The following NLRP5 variants were observed in gnomAD, a reference collection of about 807,000 sequenced individuals.
The protein encoded by NLRP5 is NLR family pyrin domain containing 5.
Under a neutral mutation model 113.1 loss-of-function variants are expected in NLRP5, and 93 were observed. The ratio of observed to expected loss-of-function variants is 0.82; its 90% CI spans 0.70 to 0.98. NLRP5 has a LOEUF of 0.98. NLRP5 is among the 50% of genes least tolerant of loss of function. NLRP5 has a pLI of 0.00. For synonymous variants in NLRP5, 751 were observed against 600.7 expected (o/e 1.25, Z -3.66); for missense variants, 1,808 against 1,514.3 (o/e 1.19, Z -3.22).
chr19:55,994,197 T>C, the NLRP5 span, among the ~76,000 whole-genome samples: 5 of 152,154 alleles, frequency 3.3e-5, no homozygotes, highest in Admixed American at 6.5e-5. Context: ...CACAGTGAGA[T>C]TGCGATGATG....
intron 1 of NLRP5, among the ~76,000 whole-genome samples, chr19:56,000,231 T>C (rs940857763): frequency 1.5e-4 from 22 of 151,600 alleles, no homozygotes; most frequent in Admixed American, 5.2e-4. Context: ...CTCCACTCTT[T>C]TCAATGACAA....
chr19:56,014,201 G>C (rs2123285317), intron 3 of NLRP5, among the ~76,000 whole-genome samples: 1 of 152,158 alleles, frequency 6.6e-6, no homozygotes, highest in South Asian at 2.1e-4. Context: ...GTTTAACCCA[G>C]CTGGGTACGG....
chr19:56,016,311 G>A (rs958259004), intron 4 of NLRP5, among the ~76,000 whole-genome samples: 1 of 151,904 alleles, frequency 6.6e-6, no homozygotes, highest in East Asian at 1.9e-4. Flanking sequence ...GCACCACCAC[G>A]CCCAGCTAAT....
intron 14 of NLRP5, among the ~76,000 whole-genome samples, chr19:56,059,527 T>C (rs975273379): frequency 6.6e-6 from 1 of 152,100 alleles, no homozygotes; most frequent in African/African-American, 2.4e-5. Context: ...GGTTGTGGTA[T>C]ATTTATTTTA....
chr19:55,990,054 A>T, the NLRP5 span, among the ~76,000 whole-genome samples: 1 of 134,650 alleles, frequency 7.4e-6, no homozygotes, highest in African/African-American at 2.7e-5. Context: ...TTTAAAAGTC[A>T]TGCCGTTTCT....
intron 11 of NLRP5, among the ~76,000 whole-genome samples, chr19:56,043,620 C>T (rs1233270063): frequency 7.7e-6 from 1 of 130,380 alleles, no homozygotes; most frequent in Non-Finnish European, 1.5e-5. Flanking sequence ...GGCTGCAGTG[C>T]AGTGGCGTGA....
chr19:56,004,045 A>G lies in NLRP5; in HGVS notation c.392A>G (p.Glu131Gly), dbSNP rs761806403. ...TGGGCTACGTCCATTAGCATCTTTG[A>G]AAACATGAACCTGCGAACCCTCTCG... Residue 131 changes from glutamate to glycine, a missense_variant, in exon 2 of 15, where the codon GAA becomes GGA. Physicochemically the swap from Glu to Gly is moderately conservative, Grantham distance 98 (BLOSUM62 -2). Transcript: ENST00000390649. The G allele has an allele frequency of 1.2e-6, 2 of 1,613,472 alleles. No homozygotes were observed. The highest frequency in any genetic ancestry group is 2.2e-5 in the South Asian group (2 of 90,958).
Position 56,056,847 on chromosome 19 carries a change from A to G in NLRP5, c.3300-1393A>G, listed in dbSNP as rs575543696. 1.6e-3 allele frequency among the ~76,000 whole-genome samples: 251 copies of G among 152,286 alleles called. 2 individuals carry two copies. The highest frequency in any genetic ancestry group is 3.4e-3 in the Middle Eastern group (1 of 294). On this transcript the variant is annotated intron_variant, in intron 13 of 14. Transcript: ENST00000390649. ...CATCTCATTAACTTTTTATTCTATC[A>G]TAAGAATTCCAGCCGGGTGCGGTGG...
In NLRP5 at chr19:56,055,533, C is replaced by CTTT. The variant is rs1491011983; in HGVS notation, c.3299+1726_3299+1727insTTT. Among the ~76,000 whole-genome samples, 177 of 99,520 alleles carry CTTT rather than the reference C, an allele frequency of 1.8e-3. 5 individuals are homozygous for CTTT. Among genetic ancestry groups the CTTT allele is most frequent in the African/African-American group, 2.4e-3 (71 of 29,170 alleles). The allele number at this position is 99,520 out of a possible 152,430, so 65.3% of individuals were successfully genotyped here. On this transcript the variant is annotated intron_variant, in intron 13 of 14. Transcript: ENST00000390649. ...AGCTCCATGTTCTATTTTTCTTTCT[C>CTTT]TGTCTTTTTTTTTTTTTTTTTTTTT...
At chr19:56,035,850 C>G (rs961639879) in intron 9 of NLRP5, among the ~76,000 whole-genome samples, 1 of 151,824 alleles carries the variant, frequency 6.6e-6, no homozygotes, top group Admixed American at 6.6e-5. Flanking sequence ...TGGGCCACAT[C>G]GTGAAGGGTT....
Position 56,027,210 on chromosome 19 carries a change from GGAA to G in NLRP5, c.982_984del (p.Lys328del), listed in dbSNP as rs756472783. 6.2e-6 allele frequency: 10 copies of G among 1,611,614 alleles called. No homozygotes were observed. In the East Asian group the frequency reaches 6.7e-5, roughly 11 times the overall value. On this transcript the variant is annotated inframe_deletion, in exon 7 of 15. Coordinates refer to ENST00000390649, the MANE Select transcript of NLRP5 (RefSeq NM_153447.4). Reference sequence around the variant, plus strand: ...TTCCTCCCCGTTAGAGAGATGCAGCGGAAGAAGGAGAGCAGTGTCACAGAGTTC... The same window carrying G: ...TTCCTCCCCGTTAGAGAGATGCAGCGGAAGGAGAGCAGTGTCACAGAGTTC...
At chr19:56,035,199 C>G (rs997896723) in intron 9 of NLRP5, among the ~76,000 whole-genome samples, 3 of 152,166 alleles carry the variant, frequency 2.0e-5, no homozygotes, top group African/African-American at 7.2e-5. Flanking sequence ...TGTGCCCTCC[C>G]AAATAAAGTA....
At chr19:56,060,651 G>A (rs1356517661) in intron 14 of NLRP5, among the ~76,000 whole-genome samples, 1 of 152,092 alleles carries the variant, frequency 6.6e-6, no homozygotes, top group African/African-American at 2.4e-5. Flanking sequence ...CTGCATCTTA[G>A]GACTGTTAGG....
chr19:56,005,504 G>GTA (rs201573011), intron 2 of NLRP5, among the ~76,000 whole-genome samples: 2,995 of 116,082 alleles, frequency 0.026, 88 homozygotes, highest in Admixed American at 0.039. Flanking sequence ...TGGCATGCCT[G>GTA]TACACATATA....
chr19:56,029,742 C>G (rs1177026443), intron 7 of NLRP5, among the ~76,000 whole-genome samples: 1 of 152,056 alleles, frequency 6.6e-6, no homozygotes, highest in Admixed American at 6.6e-5. Flanking sequence ...TGAGACCAGC[C>G]TGGGCAACAA....
rs774192819 is a variant in NLRP5 at position 56,033,713 on chromosome 19, C to T, written c.2615+4C>T. 55 of 1,605,928 alleles carry T rather than the reference C, an allele frequency of 3.4e-5. No homozygotes were observed. Among genetic ancestry groups the T allele is most frequent in the Non-Finnish European group, 3.8e-5 (45 of 1,175,808 alleles). ...AATGTTTGTTGGAGTCTTTGAGGTA[C>T]GTCTCTGGTAGAGCTTTTGCCTTGT... On this transcript the variant is annotated splice_donor_region_variant and intron_variant, in intron 9 of 14. Coordinates refer to ENST00000390649, the MANE Select transcript of NLRP5 (RefSeq NM_153447.4).
At chr19:56,057,074 C>G (rs145924388) in intron 13 of NLRP5, among the ~76,000 whole-genome samples, 3 of 152,030 alleles carry the variant, frequency 2.0e-5, no homozygotes, top group Non-Finnish European at 4.4e-5. Flanking sequence ...AGGTGGAGGT[C>G]GCAGTGAGTC....
chr19:56,009,224 C>G (rs918521658), intron 3 of NLRP5, among the ~76,000 whole-genome samples: 1 of 150,450 alleles, frequency 6.6e-6, no homozygotes, highest in Non-Finnish European at 1.5e-5. Context: ...CCTGTAATCC[C>G]AGCTACTTGG....
intron 3 of NLRP5, among the ~76,000 whole-genome samples, chr19:56,012,651 G>T (rs534541846): frequency 1.5e-5 from 1 of 68,836 alleles, no homozygotes; most frequent in East Asian, 2.2e-4. Flanking sequence ...GCATAATTTG[G>T]AACGATCTTA....
Sources: allele counts gnomAD v4.1 joint callset (sites outside exome capture counted in the v4.1 genomes callset), GRCh38; gene constraint gnomAD v4.1.1; transcripts MANE v1.5; gene names NCBI Gene and HGNC (gene_info 2026-07-23, HGNC 2026-07-21).